SLCO1A2: variants seen among roughly 807,000 people sequenced by gnomAD.
The protein encoded by SLCO1A2 is solute carrier organic anion transporter family member 1A2.
In SLCO1A2, 67 loss-of-function variants were observed where a neutral mutation model predicts 69.0. That is an observed-to-expected ratio of 0.97 (90% CI 0.80 to 1.19). The LOEUF is 1.19. Ranked by LOEUF, SLCO1A2 falls within the 50% of genes most tolerant of loss-of-function variation. The probability of loss-of-function intolerance (pLI) is 0.00; values close to 1 mark genes in which losing one functional copy is unlikely to be tolerated. For synonymous variants in SLCO1A2, 260 were observed against 265.9 expected (o/e 0.98, Z 0.22); for missense variants, 787 against 793.7 (o/e 0.99, Z 0.10).
chr12:21,380,425 A>G (rs1020875014), intron 1 of SLCO1A2, among the ~76,000 whole-genome samples: 7 of 152,238 alleles, frequency 4.6e-5, no homozygotes, highest in East Asian at 3.8e-4. Context: ...GAGTGACTCT[A>G]TAACACAAAG....
At chr12:21,364,600 G>C (rs927728823) in intron 2 of SLCO1A2, among the ~76,000 whole-genome samples, 1 of 152,176 alleles carries the variant, frequency 6.6e-6, no homozygotes, top group African/African-American at 2.4e-5. Flanking sequence ...AAAAGAGGAA[G>C]TCAAATTGTC....
At position 21,295,499 on chromosome 12, in the gene SLCO1A2, T is replaced by A. The variant is rs1947576339; in HGVS notation, c.1271+98A>T. 4 of 766,028 alleles carry A rather than the reference T, an allele frequency of 5.2e-6. No homozygotes were observed. The South Asian group carries it at 7.1e-5, about 14-fold the overall frequency. The allele number at this position is 766,028 out of a possible 1,614,324, so 47.5% of individuals were successfully genotyped here. A position where few individuals can be genotyped will look rare whatever the true frequency, so the allele number is the denominator to read the frequency against. ...AAAAGCATGGATTACTATCATTAAC[T>A]CCAATAAGAAAATGATCTGATCGTG... On this transcript the variant is annotated intron_variant, in intron 10 of 14. Coordinates refer to ENST00000683939, the MANE Select transcript of SLCO1A2 (RefSeq NM_001386879.1).
At chr12:21,368,280 A>T (rs778934710) in intron 2 of SLCO1A2, among the ~76,000 whole-genome samples, 52 of 152,128 alleles carry the variant, frequency 3.4e-4, no homozygotes, top group Non-Finnish European at 7.2e-4. Context: ...TGAGAAAGGA[A>T]CGTGTTAAAT....
At chr12:21,392,759 T>A (rs1213299725) in intron 1 of SLCO1A2, among the ~76,000 whole-genome samples, 1 of 152,204 alleles carries the variant, frequency 6.6e-6, no homozygotes, top group Non-Finnish European at 1.5e-5. Context: ...AACCAAGGTA[T>A]ATGAATATTT....
intron 12 of SLCO1A2, among the ~76,000 whole-genome samples, chr12:21,281,843 T>A (rs1944854961): frequency 6.6e-6 from 1 of 152,044 alleles, no homozygotes; most frequent in Admixed American, 6.6e-5. Flanking sequence ...AAGAAATGGA[T>A]GAAATCCTAG....
rs11046006 is a variant in SLCO1A2 at position 21,380,182 on chromosome 12, T to C, written c.-189-5657A>G. On this transcript the variant is annotated intron_variant, in intron 1 of 15. Transcript: ENST00000307378. ...ATGTAATTTATAATATGTCAAGTTA[T>C]AATATCAACATTATATTTAGGTTTA... is the stretch of plus-strand genomic sequence containing the variant. 1.4e-4 allele frequency among the ~76,000 whole-genome samples: 21 copies of C among 152,308 alleles called. No homozygotes were observed. The East Asian group carries it at 4.0e-3, about 29-fold the overall frequency.
At chr12:21,405,935 C>T (rs763056100) in intron 1 of SLCO1A2, among the ~76,000 whole-genome samples, 1 of 152,152 alleles carries the variant, frequency 6.6e-6, no homozygotes, top group Admixed American at 6.6e-5. Context: ...TAGCACCTAC[C>T]TCAAAGAGTT....
intron 1 of SLCO1A2, among the ~76,000 whole-genome samples, chr12:21,387,173 TA>T (rs1216454321): frequency 1.3e-5 from 2 of 152,174 alleles, no homozygotes; most frequent in Non-Finnish European, 2.9e-5. Context: ...TGACAGAGCA[TA>T]AAAGTTTGGA....
chr12:21,321,111 A>T (rs1951557713), intron 2 of SLCO1A2, among the ~76,000 whole-genome samples: 1 of 152,142 alleles, frequency 6.6e-6, no homozygotes, highest in Non-Finnish European at 1.5e-5. Flanking sequence ...GCTATGTCTG[A>T]ATTACCATCT....
chr12:21,343,224 G>A lies in SLCO1A2; in HGVS notation c.-62-8515C>T, dbSNP rs1228458025. Among the ~76,000 whole-genome samples, 8 of 152,196 alleles carry A rather than the reference G, an allele frequency of 5.3e-5. No homozygotes were observed. In the South Asian group the frequency reaches 6.2e-4, roughly 12 times the overall value. On this transcript the variant is annotated intron_variant, in intron 2 of 15. Transcript: ENST00000307378. ...TTTCTTGGGCCATGGAGACATGGTT[G>A]CCCATTTTCTCTGACATCTCCTTAG...
At chr12:21,290,554 A>G (rs1365486770) in intron 12 of SLCO1A2, among the ~76,000 whole-genome samples, 1 of 152,164 alleles carries the variant, frequency 6.6e-6, no homozygotes, top group African/African-American at 2.4e-5. Flanking sequence ...CAAAGGAAAA[A>G]GGACGTATTA....
chr12:21,327,268 G>A (rs574566343), intron 2 of SLCO1A2, among the ~76,000 whole-genome samples: 52 of 152,220 alleles, frequency 3.4e-4, no homozygotes, highest in Non-Finnish European at 5.4e-4. Flanking sequence ...TGTCCAGGCA[G>A]AGGTATGCTG....
intron 6 of SLCO1A2, among the ~76,000 whole-genome samples, chr12:21,301,895 C>T (rs1948754153): frequency 6.6e-6 from 1 of 152,100 alleles, no homozygotes; most frequent in Non-Finnish European, 1.5e-5. Context: ...AATTCAGAAC[C>T]TATGCTGAAC....
At chr12:21,325,545 AT>A (rs1454993665) in intron 2 of SLCO1A2, among the ~76,000 whole-genome samples, 2 of 152,094 alleles carry the variant, frequency 1.3e-5, no homozygotes, top group Non-Finnish European at 2.9e-5. Context: ...GCCCCAGGCA[AT>A]TTCAGCTCCC....
At chr12:21,413,231 C>CTTTTTCTTTT (rs1565535447) in intron 1 of SLCO1A2, among the ~76,000 whole-genome samples, 15 of 94,690 alleles carry the variant, frequency 1.6e-4, no homozygotes, top group African/African-American at 2.8e-4. Context: ...TTTTCTTTTT[C>CTTTTTCTTTT]TTTTTCTTTT....
intron 12 of SLCO1A2, among the ~76,000 whole-genome samples, chr12:21,281,455 AAAAAG>A (rs1211415265): frequency 1.3e-5 from 2 of 152,152 alleles, no homozygotes; most frequent in African/African-American, 2.4e-5. Context: ...GTCTCAAAAA[AAAAAG>A]AAAAGAAAAA....
chr12:21,301,267 G>T lies in SLCO1A2; in HGVS notation c.592C>A (p.Leu198Ile). Reference sequence around the variant, plus strand: ...CCAATAATAGCTCCTGTTTCTACAAGCCCTAAAAATAAATAAAAGTATAAG... The same window carrying T: ...CCAATAATAGCTCCTGTTTCTACAATCCCTAAAAATAAATAAAAGTATAAG... ...KFENSPLYIG[L>I]VETGAIIGPL... The change falls in exon 7 of 15, where the codon CTT becomes ATT. Residue 198 changes from leucine (L) to isoleucine (I), a missense_variant and splice_region_variant. Coordinates refer to ENST00000683939, the MANE Select transcript of SLCO1A2 (RefSeq NM_001386879.1). 1 of 1,605,596 alleles carries T rather than the reference G, an allele frequency of 6.2e-7. No homozygotes were observed.
intron 12 of SLCO1A2, among the ~76,000 whole-genome samples, chr12:21,285,894 C>G (rs924332002): frequency 4.3e-4 from 65 of 151,290 alleles, no homozygotes; most frequent in African/African-American, 1.5e-3. Flanking sequence ...AGACCCACAG[C>G]CAATATCATA....
intron 8 of SLCO1A2, among the ~76,000 whole-genome samples, chr12:21,299,832 A>G (rs886913537): frequency 1.4e-5 from 2 of 142,782 alleles, no homozygotes; most frequent in African/African-American, 5.3e-5. Flanking sequence ...ATACACACAC[A>G]TATATGTGTA....
Sources: gnomAD v4.1 joint callset for allele counts (sites outside exome capture counted in the v4.1 genomes callset) on GRCh38, gnomAD v4.1.1 for gene constraint, MANE v1.5 for transcripts, NCBI Gene and HGNC (gene_info 2026-07-23, HGNC 2026-07-21) for gene names.